The following SMARCA4 variants were observed in gnomAD, a reference collection of about 807,000 sequenced individuals.
SMARCA4 encodes SWI/SNF related BAF chromatin remodeling complex subunit ATPase 4, also known as SWI/SNF-related matrix-associated actin-dependent regulator of chromatin subfamily A member 4.
SMARCA4 carries 31 observed loss-of-function variants against 193.9 expected under a neutral mutation model. That is an observed-to-expected ratio of 0.16 (90% CI 0.12 to 0.22). The LOEUF is 0.22. Ranked by LOEUF, SMARCA4 falls within the 10% of genes least tolerant of loss-of-function variation. The pLI, the probability that SMARCA4 is intolerant of heterozygous loss-of-function variation, is 1.00. For missense variants in SMARCA4, 1,148 were observed against 2,296.0 expected (o/e 0.50, Z 10.22); for synonymous variants, 942 against 933.1 (o/e 1.01, Z -0.17).
chr19:11,055,297 C>G (rs536303244), intron 30 of SMARCA4, among the ~76,000 whole-genome samples: 1 of 152,304 alleles, frequency 6.6e-6, no homozygotes, highest in African/African-American at 2.4e-5. Context: ...TCAGGTGATT[C>G]TCCTGCCTCA....
chr19:10,965,188 A>G (rs2084120186), intron 1 of SMARCA4: 1 of 152,256 alleles, frequency 6.6e-6, no homozygotes, highest in Admixed American at 6.5e-5. Flanking sequence ...AGCGCCTGCC[A>G]TGTGCCAGGC....
At chr19:11,048,673 C>T (rs959459851) in intron 30 of SMARCA4, among the ~76,000 whole-genome samples, 4 of 152,212 alleles carry the variant, frequency 2.6e-5, no homozygotes, top group African/African-American at 9.7e-5. Flanking sequence ...GCACCCGCTG[C>T]TGTGTTGGGG....
intron 32 of SMARCA4, among the ~76,000 whole-genome samples, 166 bp from the exon 33 acceptor site, chr19:11,059,587 G>A (rs2076738353): frequency 6.6e-6 from 1 of 152,242 alleles, no homozygotes; most frequent in Admixed American, 6.5e-5. Flanking sequence ...TATGGAGAGG[G>A]CCTTCCACCC....
chr19:11,012,488 T>C, intron 15 of SMARCA4: 1 of 241,458 alleles, frequency 4.1e-6, no homozygotes, highest in African/African-American at 2.2e-5. Flanking sequence ...GTTTAAGGCC[T>C]GTATTTCAGA....
chr19:11,029,636 G>C (rs2090503039), intron 24 of SMARCA4, among the ~76,000 whole-genome samples: 1 of 152,224 alleles, frequency 6.6e-6, no homozygotes, highest in Non-Finnish European at 1.5e-5. Context: ...CACCGTGCCT[G>C]GGCATGTGTA....
rs763375817 is a variant in SMARCA4 at position 11,003,149 on chromosome 19, A to G, written c.1933A>G (p.Met645Val). 2 of 1,614,120 alleles carry G rather than the reference A, an allele frequency of 1.2e-6. No individual in the cohort carries two copies. The highest frequency in any genetic ancestry group is 2.2e-5 in the South Asian group (2 of 91,074). ...KAGQLEAWLE[M>V]NPGYEVAPRS... Reference sequence around the variant, plus strand: ...CGGGCAGCTGGAGGCCTGGCTCGAGATGAACCCGGGGTGAGTTGGGCCTTG... The same window carrying G: ...CGGGCAGCTGGAGGCCTGGCTCGAGGTGAACCCGGGGTGAGTTGGGCCTTG... Residue 645 changes from methionine (M) to valine (V), a missense_variant, in exon 12 of 35, where the codon ATG (methionine) becomes GTG (valine). Physicochemically the swap from Met to Val is conservative, Grantham distance 21. Transcript: ENST00000344626.
intron 6 of SMARCA4, among the ~76,000 whole-genome samples, chr19:10,988,267 T>A (rs2086244975): frequency 6.6e-6 from 1 of 152,118 alleles, no homozygotes; most frequent in Non-Finnish European, 1.5e-5. Flanking sequence ...ATTATAGGCA[T>A]GCGCCACCAC....
intron 34 of SMARCA4, among the ~76,000 whole-genome samples, chr19:11,061,202 A>ATAT (rs1467232116): frequency 1.4e-3 from 83 of 61,386 alleles, no homozygotes; most frequent in South Asian, 2.0e-3. Context: ...AAAAAAAAAA[A>ATAT]AAATATATAT....
chr19:10,970,074 C>T (rs959613169), intron 1 of SMARCA4, among the ~76,000 whole-genome samples: 2 of 152,042 alleles, frequency 1.3e-5, no homozygotes, highest in African/African-American at 4.8e-5. Context: ...ATAATGAGCC[C>T]CTTTTGATCA....
rs1486794288 is a variant in SMARCA4 at position 11,007,986 on chromosome 19, G to A, written c.2086G>A (p.Asp696Asn). The A allele has an allele frequency of 6.2e-7, 1 of 1,613,558 alleles. No individual in the cohort carries two copies. Among genetic ancestry groups the A allele is most frequent in the Non-Finnish European group, 8.5e-7 (1 of 1,179,732 alleles). The change falls in exon 14 of 35, where the codon GAT (aspartate) becomes AAT (asparagine). Residue 696 changes from aspartate (D) to asparagine (N), a missense_variant. By Grantham distance (23) the Asp-to-Asn change is conservative. Coordinates refer to ENST00000344626, the MANE Select transcript of SMARCA4 (RefSeq NM_003072.5). Reference protein sequence around the residue: ...EKKKIPDPDSDDVSEVDARHI... With the variant: ...EKKKIPDPDSNDVSEVDARHI... Reference sequence around the variant, plus strand: ...GAAGAAGATTCCAGATCCAGACAGCGATGACGTCTCTGAGGTGGACGCGCG... The same window carrying A: ...GAAGAAGATTCCAGATCCAGACAGCAATGACGTCTCTGAGGTGGACGCGCG...
chr19:11,050,248 T>A (rs1302465988), intron 30 of SMARCA4, among the ~76,000 whole-genome samples: 1 of 152,240 alleles, frequency 6.6e-6, no homozygotes, highest in Admixed American at 6.5e-5. Flanking sequence ...GGGTCCAGGC[T>A]GCCGCAGCTA....
chr19:10,990,390 C>T (rs2086452904), intron 7 of SMARCA4, among the ~76,000 whole-genome samples: 1 of 151,980 alleles, frequency 6.6e-6, no homozygotes, highest in South Asian at 2.1e-4. Flanking sequence ...GTGATTCTCC[C>T]ACCTCAGCCT....
rs575299561 is a variant in SMARCA4 at position 11,024,267 on chromosome 19, C to T, written c.2974-64C>T. The T allele has an allele frequency of 5.9e-5, 67 of 1,133,506 alleles. No homozygotes were observed. In the African/African-American group the frequency reaches 6.2e-4, roughly 11 times the overall value. The allele number at this position is 1,133,506 out of a possible 1,614,324, so 70.2% of individuals were successfully genotyped here. Reference sequence around the variant, plus strand: ...GGGCCGAGGGGGTCAGAGCTGGGTTCGGATGGGGGGAGTCAGGCCTCAAGC... The same window carrying T: ...GGGCCGAGGGGGTCAGAGCTGGGTTTGGATGGGGGGAGTCAGGCCTCAAGC... On this transcript the variant is annotated intron_variant, in intron 20 of 34. Transcript: ENST00000344626.
At position 11,031,828 on chromosome 19, in the gene SMARCA4, T is replaced by C. The variant is rs955526628; in HGVS notation, c.3546+935T>C. 1.3e-5 allele frequency: 2 copies of C among 152,242 alleles called. No individual in the cohort carries two copies. Among genetic ancestry groups the C allele is most frequent in the African/African-American group, 2.4e-5 (1 of 41,448 alleles). The allele number at this position is 152,242 out of a possible 1,614,324, so 9.4% of individuals were successfully genotyped here. Reference sequence around the variant, plus strand: ...CCTAGGTCTGCGCAGCCCTCAGACATGGGGTCGCTCCACCCCAGACATTGT... The same window carrying C: ...CCTAGGTCTGCGCAGCCCTCAGACACGGGGTCGCTCCACCCCAGACATTGT... On this transcript the variant is annotated intron_variant, in intron 25 of 34. Coordinates refer to ENST00000344626, the MANE Select transcript of SMARCA4 (RefSeq NM_003072.5). The surrounding 1 kb of genome is among the most constrained non-coding windows in gnomAD (Gnocchi z 4.3).
rs1333130541 is a variant in SMARCA4, at chr19:11,033,110, G to A, written c.3547-180G>A. 5.9e-6 allele frequency: 4 copies of A among 675,192 alleles called. No homozygotes were observed. In the African/African-American group the frequency reaches 7.1e-5, roughly 12 times the overall value. The allele number at this position is 675,192 out of a possible 1,614,324, so 41.8% of individuals were successfully genotyped here. ...GTGATGAGAGTCCCCTTCCCCCGAG[G>A]GACACATGGCGGCCCAGGCTCCACC... On this transcript the variant is annotated intron_variant, in intron 25 of 34. Coordinates refer to ENST00000344626, the MANE Select transcript of SMARCA4 (RefSeq NM_003072.5). The surrounding 1 kb of genome is among the most constrained non-coding windows in gnomAD (Gnocchi z 9.8).
intron 25 of SMARCA4, chr19:11,032,257 G>A (rs778141273): frequency 6.6e-5 from 10 of 152,266 alleles, no homozygotes; most frequent in Non-Finnish European, 1.5e-4. Context: ...CCACCCCATG[G>A]GTGCCAGTCT....
intron 6 of SMARCA4, among the ~76,000 whole-genome samples, chr19:10,988,736 G>T (rs2086287708): frequency 6.6e-6 from 1 of 152,022 alleles, no homozygotes; most frequent in South Asian, 2.1e-4. Flanking sequence ...CTCCTTTATG[G>T]CCTGTGTTTT....
At chr19:11,010,340 G>C (rs2088701298) in intron 14 of SMARCA4, 41 bp from the exon 15 acceptor site, 1 of 1,609,882 alleles carries the variant, frequency 6.2e-7, no homozygotes, top group Non-Finnish European at 8.5e-7. Flanking sequence ...GTCACAGATA[G>C]GAATGTGTGT....
At chr19:11,003,456 C>T (rs2146112098) in intron 13 of SMARCA4, 59 bp downstream of exon 13, 2 of 1,468,500 alleles carry the variant, frequency 1.4e-6, no homozygotes, top group Non-Finnish European at 1.9e-6. Context: ...TGACTTCCAC[C>T]CTGTGTGTTG....
Sources: gnomAD v4.1 joint callset for allele counts (sites outside exome capture counted in the v4.1 genomes callset) on GRCh38, gnomAD v4.1.1 for gene constraint, Gnocchi (gnomAD v3.1) non-coding constraint, MANE v1.5 for transcripts, NCBI Gene and HGNC (gene_info 2026-07-23, HGNC 2026-07-21) for gene names.